TJP1: variants seen among roughly 807,000 people sequenced by gnomAD.
TJP1 encodes the protein tight junction protein ZO-1.
Under a neutral mutation model 194.2 loss-of-function variants are expected in TJP1, and 43 were observed. The observed-to-expected ratio is 0.22, with a 90% confidence interval of 0.17 to 0.29. The LOEUF (loss-of-function observed/expected upper bound fraction) is 0.29, where lower values mean the gene tolerates loss of function less well. Ranked by LOEUF, TJP1 falls within the 10% of genes least tolerant of loss-of-function variation. The pLI, the probability that TJP1 is intolerant of heterozygous loss-of-function variation, is 1.00. For synonymous variants in TJP1, 801 were observed against 779.0 expected (o/e 1.03, Z -0.47); for missense variants, 1,971 against 2,185.7 (o/e 0.90, Z 1.96).
At chr15:29,782,081 A>G (rs1296349540) in intron 2 of TJP1, among the ~76,000 whole-genome samples, 1 of 152,238 alleles carries the variant, frequency 6.6e-6, no homozygotes, top group Non-Finnish European at 1.5e-5. Flanking sequence ...TCATGGTCTC[A>G]GTGCAAAAGC....
rs188090522 is a variant in TJP1 at position 29,877,664 on chromosome 15, C to A, written c.307-76962G>T. ...TCTCTTTCTTTCTTTGTCTCTCTCT[C>A]TTTCTTTTTTTTTTGAGAGAGTCTC... On this transcript the variant is annotated intron_variant, in intron 2 of 28. Transcript: ENST00000356107. Among the ~76,000 whole-genome samples, 349 of 148,726 alleles carry A rather than the reference C, an allele frequency of 2.3e-3. 1 individual carries two copies. The Middle Eastern group carries it at 0.029, about 12-fold the overall frequency.
chr15:29,840,005 C>T (rs2051166189), intron 2 of TJP1, among the ~76,000 whole-genome samples: 2 of 152,206 alleles, frequency 1.3e-5, no homozygotes, highest in Non-Finnish European at 2.9e-5. Context: ...AAGCTAATGA[C>T]ATTGAACAGC....
At chr15:29,932,090 T>C (rs1318898909) in intron 2 of TJP1, among the ~76,000 whole-genome samples, 1 of 152,308 alleles carries the variant, frequency 6.6e-6, no homozygotes, top group East Asian at 1.9e-4. Flanking sequence ...ATGACCTGTA[T>C]CTTGTGCTGT....
chr15:29,794,330 T>C (rs1426625816), intron 2 of TJP1, among the ~76,000 whole-genome samples: 2 of 152,172 alleles, frequency 1.3e-5, no homozygotes, highest in Non-Finnish European at 2.9e-5. Context: ...GAATTGTGAG[T>C]TATATACCTC....
chr15:29,796,773 A>AAT (rs1275499903), intron 2 of TJP1, among the ~76,000 whole-genome samples: 1 of 152,240 alleles, frequency 6.6e-6, no homozygotes, highest in African/African-American at 2.4e-5. Flanking sequence ...TTCCACGTTT[A>AAT]ATATAAAGCT....
chr15:29,950,330 TC>T (rs1276491068), intron 2 of TJP1, among the ~76,000 whole-genome samples: 28 of 134,192 alleles, frequency 2.1e-4, no homozygotes, highest in African/African-American at 7.1e-4. Context: ...CACCACCACT[TC>T]CTGTGCCACC....
intron 2 of TJP1, among the ~76,000 whole-genome samples, chr15:29,881,268 C>T (rs2052918337): frequency 6.6e-6 from 1 of 152,162 alleles, no homozygotes; most frequent in Non-Finnish European, 1.5e-5. Flanking sequence ...CTGTTCAAGT[C>T]CTTTGCCCGT....
At chr15:29,949,262 A>T (rs796189146) in intron 2 of TJP1, among the ~76,000 whole-genome samples, 6,525 of 76,490 alleles carry the variant, frequency 0.085, 927 homozygotes, top group East Asian at 0.16. Flanking sequence ...CACCTCCACC[A>T]CCACCACCTC....
intron 2 of TJP1, among the ~76,000 whole-genome samples, chr15:29,776,597 T>A (rs1490426666): frequency 1.3e-5 from 2 of 152,212 alleles, no homozygotes; most frequent in African/African-American, 4.8e-5. Context: ...TACTGTTGCA[T>A]GAATTATCTA....
At chr15:29,743,291 CAT>C (rs1013465008) in intron 8 of TJP1, among the ~76,000 whole-genome samples, 11 of 152,092 alleles carry the variant, frequency 7.2e-5, no homozygotes, top group African/African-American at 2.2e-4. Context: ...AATTGGGAAA[CAT>C]ATATAATACT....
At chr15:29,905,196 T>C (rs2053766576) in intron 2 of TJP1, among the ~76,000 whole-genome samples, 2 of 152,168 alleles carry the variant, frequency 1.3e-5, no homozygotes, top group Admixed American at 6.5e-5. Flanking sequence ...AAGCATAGAT[T>C]AGCACAACAG....
intron 2 of TJP1, among the ~76,000 whole-genome samples, chr15:29,791,043 T>C (rs928250736): frequency 1.5e-4 from 23 of 151,784 alleles, no homozygotes; most frequent in Non-Finnish European, 3.1e-4. Context: ...TTTCCTTTTT[T>C]TTTGGACGGA....
chr15:29,727,154 G>A (rs2043291817), intron 16 of TJP1, among the ~76,000 whole-genome samples, 163 bp from the exon 17 acceptor site: 1 of 152,108 alleles, frequency 6.6e-6, no homozygotes, highest in Non-Finnish European at 1.5e-5. Context: ...GACCAGCCTG[G>A]CCAGTATGGA....
intron 1 of TJP1, among the ~76,000 whole-genome samples, chr15:29,803,811 T>C (rs2048939755): frequency 6.6e-6 from 1 of 152,032 alleles, no homozygotes; most frequent in Non-Finnish European, 1.5e-5. Context: ...CACATCAAAA[T>C]CAATATAGTT....
intron 2 of TJP1, among the ~76,000 whole-genome samples, chr15:29,780,364 A>G (rs2047286600): frequency 6.6e-6 from 1 of 151,834 alleles, no homozygotes; most frequent in Non-Finnish European, 1.5e-5. Context: ...TGCAACCTAG[A>G]TCCCTTGCAT....
In TJP1 at chr15:29,762,340, A is replaced by G; in HGVS notation, c.688T>C (p.Leu230=). Residue 230 remains leucine (L), a synonymous_variant, in exon 6 of 28, where the codon TTG becomes CTG. Coordinates refer to ENST00000614355, the MANE Select transcript of TJP1 (RefSeq NM_001330239.4). The part of the protein sequence containing the change: ...DGNIQEGDVV[L]KINGTVTENM... The stretch of plus-strand genomic sequence containing the variant: ...AAGTAAGAATATGATTATACCTTCA[A>G]TACAACATCACCTTCTTGAATATTG... The G allele has an allele frequency of 1.2e-6, 2 of 1,611,790 alleles. No individual in the cohort carries two copies. Among genetic ancestry groups the G allele is most frequent in the Middle Eastern group, 1.7e-4 (1 of 6,052 alleles).
intron 2 of TJP1, among the ~76,000 whole-genome samples, chr15:29,949,484 A>T (rs1223112774): frequency 7.2e-6 from 1 of 139,344 alleles, no homozygotes; most frequent in African/African-American, 2.7e-5. Flanking sequence ...CTCCACAACC[A>T]CCACCTCCAC....
chr15:29,865,924 T>A (rs934299073), intron 2 of TJP1, among the ~76,000 whole-genome samples: 23 of 152,212 alleles, frequency 1.5e-4, no homozygotes, highest in African/African-American at 5.5e-4. Flanking sequence ...CGCCAGGCAC[T>A]GTGCTAGGAG....
In TJP1 at chr15:29,858,053, G is replaced by A. The variant is rs544814067; in HGVS notation, c.307-57351C>T. ...GCTGGGATTACAGGCGTGAGCCACC[G>A]CACCCAGCCTAAAGATGACCCCATT... is the stretch of plus-strand genomic sequence containing the variant. On this transcript the variant is annotated intron_variant, in intron 2 of 28. Coordinates refer to the TJP1 transcript ENST00000356107. Among the ~76,000 whole-genome samples, 236 of 152,128 alleles carry A rather than the reference G, an allele frequency of 1.6e-3. 2 individuals carry two copies. The highest frequency in any genetic ancestry group is 2.2e-3 in the Non-Finnish European group (149 of 68,002).
Sources: gnomAD v4.1 joint callset for allele counts (sites outside exome capture counted in the v4.1 genomes callset) on GRCh38, gnomAD v4.1.1 for gene constraint, MANE v1.5 for transcripts, NCBI Gene and HGNC (gene_info 2026-07-23, HGNC 2026-07-21) for gene names.